Variants in ZRANB3 observed in about 807,000 individuals in gnomAD.
ZRANB3 encodes the protein DNA annealing helicase and endonuclease ZRANB3.
ZRANB3 carries 125 observed loss-of-function variants against 133.8 expected under a neutral mutation model. The ratio of observed to expected loss-of-function variants is 0.93; its 90% CI spans 0.81 to 1.08. ZRANB3 has a LOEUF of 1.08. ZRANB3 is among the 50% of genes least tolerant of loss of function. The pLI is 0.00. For missense variants in ZRANB3, 1,229 were observed against 1,275.5 expected, an observed-to-expected ratio of 0.96 and a Z score of 0.56; for synonymous variants, 387 against 432.7, an observed-to-expected ratio of 0.89 and a Z score of 1.31.
intron 1 of ZRANB3, chr2:135,510,610 G>T: frequency 1.3e-6 from 1 of 756,026 alleles, no homozygotes. Flanking sequence ...GCCTCCATGA[G>T]GAGGGCCTCT....
chr2:135,503,854 C>A (rs550646512), intron 2 of ZRANB3, among the ~76,000 whole-genome samples: 1 of 152,014 alleles, frequency 6.6e-6, no homozygotes, highest in South Asian at 2.1e-4. Flanking sequence ...CCTGTAGTCC[C>A]AGCTATTCAG....
In ZRANB3 at chr2:135,240,324, T is replaced by A. The variant is rs113884006; in HGVS notation, c.1540-9397A>T. On this transcript the variant is annotated intron_variant, in intron 12 of 20. Transcript: ENST00000264159. ...AAGACCCTGTCTCTTAAAAACAAAATGGTAACAAAGAAACAAATAGAATTA... is the reference window on the plus strand; with the variant it reads ...AAGACCCTGTCTCTTAAAAACAAAAAGGTAACAAAGAAACAAATAGAATTA... Among the ~76,000 whole-genome samples the A allele has an allele frequency of 3.0e-3, 451 of 152,180 alleles. 3 individuals carry two copies. Among genetic ancestry groups the A allele is most frequent in the African/African-American group, 0.01 (420 of 41,534 alleles).
At position 135,308,478 on chromosome 2, in the gene ZRANB3, C is replaced by T. The variant is rs147991728; in HGVS notation, c.966+5011G>A. ...ATGCTCTCAGGACTCCCAGCTAGCA[C>T]CTGCTAGATGCCAGTGGAAATAAAG... On this transcript the variant is annotated intron_variant, in intron 8 of 20. Transcript: ENST00000264159. Among the ~76,000 whole-genome samples, 561 of 152,334 alleles carry T rather than the reference C, an allele frequency of 3.7e-3. 2 individuals are homozygous for T. Among genetic ancestry groups the T allele is most frequent in the Admixed American group, 9.7e-3 (149 of 15,308 alleles).
At chr2:135,338,942 G>C (rs1684500578) in intron 6 of ZRANB3, among the ~76,000 whole-genome samples, 2 of 152,088 alleles carry the variant, frequency 1.3e-5, no homozygotes, top group African/African-American at 4.8e-5. Flanking sequence ...TAAATGTATG[G>C]GCTTTTCAAT....
At chr2:135,402,451 C>A (rs988335392) in intron 2 of ZRANB3, among the ~76,000 whole-genome samples, 1 of 151,888 alleles carries the variant, frequency 6.6e-6, no homozygotes, top group Non-Finnish European at 1.5e-5. Context: ...CCCACCACCA[C>A]GTCCGGCTAA....
intron 3 of ZRANB3, among the ~76,000 whole-genome samples, chr2:135,357,499 T>C (rs1437962613): frequency 3.3e-5 from 5 of 152,204 alleles, no homozygotes; most frequent in Non-Finnish European, 5.9e-5. Flanking sequence ...TTTCGCCATG[T>C]TGGCCAGGCT....
In ZRANB3 at chr2:135,398,852, C is replaced by T. The variant is rs540859860; in HGVS notation, c.162-8032G>A. Among the ~76,000 whole-genome samples, 5 of 152,250 alleles carry T rather than the reference C, an allele frequency of 3.3e-5. No individual in the cohort carries two copies. In the South Asian group the frequency reaches 1.0e-3, roughly 32 times the overall value. ...GTCACTTTTTTTATTGATCAGTTCT[C>T]CTTGGATTTCTGTGTAAACTGGGTT... is the stretch of plus-strand genomic sequence containing the variant. On this transcript the variant is annotated intron_variant, in intron 2 of 20. Coordinates refer to ENST00000264159, the MANE Select transcript of ZRANB3 (RefSeq NM_032143.4).
chr2:135,250,813 G>A (rs549661880), intron 12 of ZRANB3, among the ~76,000 whole-genome samples: 50 of 152,332 alleles, frequency 3.3e-4, no homozygotes, highest in African/African-American at 1.1e-3. Flanking sequence ...CAGGGTTGGG[G>A]CCCTCATGGA....
chr2:135,263,652 A>T (rs1033395844), intron 12 of ZRANB3, among the ~76,000 whole-genome samples: 18 of 152,166 alleles, frequency 1.2e-4, no homozygotes, highest in African/African-American at 4.3e-4. Context: ...AATTATAAGG[A>T]TGTGTTTTTT....
At chr2:135,416,904 A>G (rs2104962839) in intron 2 of ZRANB3, among the ~76,000 whole-genome samples, 1 of 152,332 alleles carries the variant, frequency 6.6e-6, no homozygotes, top group South Asian at 2.1e-4. Flanking sequence ...CTGGCTAGCC[A>G]TATGTAAAAA....
At chr2:135,518,009 G>A (rs977716633) in intron 1 of ZRANB3, among the ~76,000 whole-genome samples, 4 of 152,240 alleles carry the variant, frequency 2.6e-5, no homozygotes, top group South Asian at 2.1e-4. Flanking sequence ...TGCGTGCTGC[G>A]GTGGGTTCCG....
chr2:135,359,693 C>A (rs1458371919), intron 3 of ZRANB3, among the ~76,000 whole-genome samples: 2 of 152,072 alleles, frequency 1.3e-5, no homozygotes, highest in South Asian at 2.1e-4. Flanking sequence ...ACTTGAAGAT[C>A]ATACCCTATG....
Position 135,207,822 on chromosome 2 carries a change from T to C in ZRANB3, c.2621A>G (p.Asp874Gly), listed in dbSNP as rs372783913. 1.9e-6 allele frequency: 3 copies of C among 1,592,324 alleles called. No individual in the cohort carries two copies. The highest frequency in any genetic ancestry group is 1.3e-5 in the African/African-American group (1 of 74,454). The change falls in exon 19 of 21, where the codon GAT becomes GGT. Residue 874 changes from aspartate to glycine, a missense_variant. Asp to Gly is a moderately conservative substitution (Grantham distance 94). Transcript: ENST00000264159. ...RDPFTKKLLE[D>G]GACVPFLNPY... ...ATTTAGAAATGGGACACAGGCTCCA[T>C]CTTCAAGAAGTTTTCTACAATTGAT...
At chr2:135,480,526 T>C (rs1160524331) in intron 2 of ZRANB3, among the ~76,000 whole-genome samples, 3 of 152,176 alleles carry the variant, frequency 2.0e-5, no homozygotes, top group African/African-American at 4.8e-5. Flanking sequence ...CATCAAGTGA[T>C]ACTTTTAAAG....
intron 2 of ZRANB3, among the ~76,000 whole-genome samples, chr2:135,466,873 C>T (rs1691023079): frequency 6.6e-6 from 1 of 152,008 alleles, no homozygotes; most frequent in Non-Finnish European, 1.5e-5. Flanking sequence ...AGATGGGTTT[C>T]ACCATGTTGC....
chr2:135,291,887 T>C (rs1337555348), intron 8 of ZRANB3, among the ~76,000 whole-genome samples: 1 of 152,130 alleles, frequency 6.6e-6, no homozygotes, highest in Non-Finnish European at 1.5e-5. Flanking sequence ...AGAATGATGG[T>C]TTCCAGCTTC....
At chr2:135,500,472 CAT>C (rs1692885824) in intron 2 of ZRANB3, among the ~76,000 whole-genome samples, 1 of 151,938 alleles carries the variant, frequency 6.6e-6, no homozygotes, top group South Asian at 2.1e-4. Context: ...CATACAAAAA[CAT>C]AGATTGAACT....
intron 3 of ZRANB3, among the ~76,000 whole-genome samples, chr2:135,377,466 G>A (rs1352909580): frequency 6.6e-6 from 1 of 151,950 alleles, no homozygotes; most frequent in Non-Finnish European, 1.5e-5. Context: ...ATGCATAGAT[G>A]AGCCTGAAGC....
chr2:135,473,513 A>G (rs1486752775), intron 2 of ZRANB3, among the ~76,000 whole-genome samples: 1 of 151,944 alleles, frequency 6.6e-6, no homozygotes, highest in South Asian at 2.1e-4. Context: ...GGTAATGTAC[A>G]TTGCCTTTGT....
Sources: gnomAD v4.1 joint callset for allele counts (sites outside exome capture counted in the v4.1 genomes callset) on GRCh38, gnomAD v4.1.1 for gene constraint, MANE v1.5 for transcripts, NCBI Gene and HGNC (gene_info 2026-07-23, HGNC 2026-07-21) for gene names.